ZNF423: variants seen among roughly 807,000 people sequenced by gnomAD.
ZNF423 encodes zinc finger protein 423, also known as Ebf-associated zinc finger protein.
ZNF423 carries 12 observed loss-of-function variants against 95.8 expected under a neutral mutation model. That is an observed-to-expected ratio of 0.13 (90% CI 0.08 to 0.20). The LOEUF is 0.20. Ranked by LOEUF, ZNF423 falls within the 10% of genes least tolerant of loss-of-function variation. The pLI is 1.00. For missense variants in ZNF423, 1,316 were observed against 1,737.1 expected, an observed-to-expected ratio of 0.76 and a Z score of 4.31; for synonymous variants, 749 against 711.9, an observed-to-expected ratio of 1.05 and a Z score of -0.83.
intron 5 of ZNF423, among the ~76,000 whole-genome samples, chr16:49,584,625 TTCCTCTG>T (rs1276307047): frequency 3.9e-5 from 6 of 152,066 alleles, no homozygotes; most frequent in Non-Finnish European, 7.4e-5. Flanking sequence ...CAGAGCTAGC[TTCCTCTG>T]GGGCCTCCCT....
At chr16:49,771,377 G>A (rs1304589082) in intron 2 of ZNF423, among the ~76,000 whole-genome samples, 1 of 151,570 alleles carries the variant, frequency 6.6e-6, no homozygotes. Context: ...GCTAATTTTT[G>A]TATTTTTTGT....
intron 1 of ZNF423, among the ~76,000 whole-genome samples, chr16:49,830,382 G>T (rs577845158): frequency 6.6e-6 from 1 of 152,254 alleles, no homozygotes; most frequent in East Asian, 1.9e-4. Context: ...GCTCACACAA[G>T]CTCCCCCAGA....
chr16:49,658,368 C>A (rs1360542349), intron 3 of ZNF423, among the ~76,000 whole-genome samples: 1 of 152,206 alleles, frequency 6.6e-6, no homozygotes, highest in Non-Finnish European at 1.5e-5. Context: ...AAGAGAAGAG[C>A]CAGAGCATTT....
rs181341197 is a variant in ZNF423 at position 49,655,391 on chromosome 16, G to A, written c.302-16517C>T. Among the ~76,000 whole-genome samples the A allele has an allele frequency of 3.3e-5, 5 of 152,274 alleles. No homozygotes were observed. In the East Asian group the frequency reaches 9.6e-4, roughly 29 times the overall value. The stretch of plus-strand genomic sequence containing the variant: ...ACTCCAGGTCTGCGAATGACTGAGA[G>A]TTAAACAATCACTAGCCTATAAGCA... On this transcript the variant is annotated intron_variant, in intron 3 of 7. Transcript: ENST00000563137.
At chr16:49,695,109 G>C (rs1222397097) in intron 3 of ZNF423, among the ~76,000 whole-genome samples, 2 of 152,100 alleles carry the variant, frequency 1.3e-5, no homozygotes, top group Non-Finnish European at 2.9e-5. Flanking sequence ...CAACCTTACA[G>C]GTTTTGGTTT....
chr16:49,856,274 T>G (rs1487657099), upstream of ZNF423: 1 of 146,480 alleles, frequency 6.8e-6, no homozygotes, highest in African/African-American at 2.5e-5. Context: ...GCCGGATTTT[T>G]GTGCAAAGTT....
intron 1 of ZNF423, among the ~76,000 whole-genome samples, chr16:49,800,575 G>GACACAC (rs71138006): frequency 2.0e-5 from 3 of 150,050 alleles, no homozygotes; most frequent in African/African-American, 4.9e-5. Context: ...ACCTGGACAT[G>GACACAC]ACACACACAC....
intron 5 of ZNF423, among the ~76,000 whole-genome samples, chr16:49,537,369 T>C (rs1286482238): frequency 1.3e-5 from 2 of 152,238 alleles, no homozygotes; most frequent in Admixed American, 6.5e-5. Context: ...TTTCTGATGC[T>C]GAGCTAAGTG....
rs982468029 is a variant in ZNF423, at chr16:49,695,706, C to T, written c.301+35065G>A. 2.6e-5 allele frequency among the ~76,000 whole-genome samples: 4 copies of T among 152,234 alleles called. No individual in the cohort carries two copies. In the East Asian group the frequency reaches 5.8e-4, roughly 22 times the overall value. On this transcript the variant is annotated intron_variant, in intron 3 of 7. Transcript: ENST00000563137. ...CCTCCCAAAGTGCCAGGATTACAGG[C>T]GTGAGCCACCGCGCCAGGCCCCTTA...
Position 49,636,339 on chromosome 16 carries a change from G to A in ZNF423, c.2837C>T (p.Thr946Ile). ...GSHKCNVCSR[T>I]FFSENGLREH... is the part of the protein sequence containing the mutation. ...CCGTAGCCCGTTCTCCGAGAAGAAA[G>A]TCCGTGAACAAACGTTGCACTTGTG... Residue 946 changes from threonine to isoleucine, a missense_variant, in exon 4 of 8, where the codon ACT (threonine) becomes ATT (isoleucine). Coordinates refer to ENST00000563137, the MANE Select transcript of ZNF423 (RefSeq NM_001379286.1). This position sits in a 1 kb window ranked among gnomAD's most constrained non-coding sequence, Gnocchi z 8.6. 6.2e-7 allele frequency: 1 copy of A among 1,612,812 alleles called. No homozygotes were observed. Among genetic ancestry groups the A allele is most frequent in the Non-Finnish European group, 8.5e-7 (1 of 1,180,032 alleles).
chr16:49,495,012 C>T (rs1967104803), intron 7 of ZNF423, among the ~76,000 whole-genome samples: 1 of 152,156 alleles, frequency 6.6e-6, no homozygotes, highest in Non-Finnish European at 1.5e-5. Context: ...TGCTACCCAC[C>T]CCACAGATGA....
chr16:49,724,914 C>A (rs1169383333), intron 3 of ZNF423, among the ~76,000 whole-genome samples: 1 of 152,166 alleles, frequency 6.6e-6, no homozygotes, highest in Non-Finnish European at 1.5e-5. Context: ...CAAAGTCCCC[C>A]CTCTTGTTTT....
At chr16:49,802,660 C>T (rs963805388) in intron 1 of ZNF423, among the ~76,000 whole-genome samples, 9 of 152,110 alleles carry the variant, frequency 5.9e-5, no homozygotes, top group African/African-American at 1.7e-4. Flanking sequence ...ACCCACCCCA[C>T]CTGCCCTGCC....
intron 1 of ZNF423, among the ~76,000 whole-genome samples, chr16:49,791,999 T>C (rs573630861): frequency 6.1e-5 from 4 of 66,040 alleles, no homozygotes; most frequent in African/African-American, 1.7e-4. Context: ...CGAGACTCCA[T>C]CTCAAAAAAA....
intron 1 of ZNF423, among the ~76,000 whole-genome samples, chr16:49,809,029 C>G (rs1361669910): frequency 6.6e-6 from 1 of 152,250 alleles, no homozygotes; most frequent in Non-Finnish European, 1.5e-5. Flanking sequence ...GCCCTTCCTG[C>G]CCCAACCACA....
chr16:49,807,526 C>A (rs905718705), intron 1 of ZNF423, among the ~76,000 whole-genome samples: 1 of 152,160 alleles, frequency 6.6e-6, no homozygotes, highest in African/African-American at 2.4e-5. Flanking sequence ...CACAAAGACA[C>A]CCCGGGGTAG....
chr16:49,719,705 C>A (rs555682255), intron 3 of ZNF423, among the ~76,000 whole-genome samples: 1 of 152,328 alleles, frequency 6.6e-6, no homozygotes, highest in East Asian at 1.9e-4. Flanking sequence ...CTTGCTACCC[C>A]TTCACCTTCC....
At position 49,492,461 on chromosome 16, in the gene ZNF423, C is replaced by G. The variant is rs1170296844; in HGVS notation, c.3850-1157G>C. 2.0e-5 allele frequency among the ~76,000 whole-genome samples: 3 copies of G among 151,410 alleles called. No individual in the cohort carries two copies. Among genetic ancestry groups the G allele is most frequent in the African/African-American group, 7.4e-5 (3 of 40,752 alleles). Reference sequence around the variant, plus strand: ...CGACCAGGTGATGCCAGTAGCCTCGCCCGGAGGCCGAGGCCGGGGCCGGGG... The same window carrying G: ...CGACCAGGTGATGCCAGTAGCCTCGGCCGGAGGCCGAGGCCGGGGCCGGGG... On this transcript the variant is annotated intron_variant, in intron 7 of 7. Transcript: ENST00000563137. This position sits in a 1 kb window ranked among gnomAD's most constrained non-coding sequence, Gnocchi z 4.2.
chr16:49,730,912 T>A lies in ZNF423; in HGVS notation c.160A>T (p.Asn54Tyr). 6.2e-7 allele frequency: 1 copy of A among 1,614,234 alleles called. No individual in the cohort carries two copies. Among genetic ancestry groups the A allele is most frequent in the South Asian group, 1.1e-5 (1 of 91,076 alleles). ...CTCTCCTCTTGACTTGTCACGCTGT[T>A]CCTGTCTTCCAGCGCACGGCTGGTT... ...QKTSRALEDRNSVTSQEERNE... is the reference protein window; with the variant it reads ...QKTSRALEDRYSVTSQEERNE... The change falls in exon 3 of 8, where the codon AAC becomes TAC. Residue 54 changes from asparagine (N) to tyrosine (Y), a missense_variant. Transcript: ENST00000563137.
Sources: allele counts gnomAD v4.1 joint callset (sites outside exome capture counted in the v4.1 genomes callset), GRCh38; gene constraint gnomAD v4.1.1; non-coding constraint Gnocchi (gnomAD v3.1); transcripts MANE v1.5; gene names NCBI Gene and HGNC (gene_info 2026-07-23, HGNC 2026-07-21).